The following GLI3 variants were observed in gnomAD, a reference collection of about 807,000 sequenced individuals.
GLI3 encodes the protein GLI family zinc finger 3.
A neutral mutation model predicts 100.8 loss-of-function variants in GLI3; 20 were observed. That is an observed-to-expected ratio of 0.20 (90% CI 0.14 to 0.29). GLI3 has a LOEUF of 0.29. GLI3 is among the 10% of genes least tolerant of loss of function. The pLI is 1.00. For synonymous variants in GLI3, 938 were observed against 860.5 expected, an observed-to-expected ratio of 1.09 and a Z score of -1.58; for missense variants, 2,040 against 2,128.5, an observed-to-expected ratio of 0.96 and a Z score of 0.82.
chr7:42,114,328 G>A (rs1271505922), intron 3 of GLI3, among the ~76,000 whole-genome samples: 1 of 152,170 alleles, frequency 6.6e-6, no homozygotes, highest in Non-Finnish European at 1.5e-5. Flanking sequence ...TAGAAGAAGG[G>A]AGTTTGAAAG....
intron 3 of GLI3, among the ~76,000 whole-genome samples, chr7:42,104,890 G>A (rs987752155): frequency 2.6e-5 from 4 of 152,300 alleles, no homozygotes; most frequent in African/African-American, 9.6e-5. Flanking sequence ...CAACAAATCT[G>A]CTGGCACCTT....
At chr7:41,987,626 G>A (rs1787867867) in intron 10 of GLI3, among the ~76,000 whole-genome samples, 1 of 152,174 alleles carries the variant, frequency 6.6e-6, no homozygotes, top group African/African-American at 2.4e-5. Context: ...CCTGAACTTT[G>A]TGCAGAGTTG....
chr7:42,088,990 C>T (rs1032707097), intron 3 of GLI3, among the ~76,000 whole-genome samples: 1 of 152,234 alleles, frequency 6.6e-6, no homozygotes, highest in Non-Finnish European at 1.5e-5. Context: ...TGATCTCCAT[C>T]TGAGTCCTCT....
At chr7:42,055,636 C>G (rs998192138) in intron 4 of GLI3, among the ~76,000 whole-genome samples, 1 of 152,134 alleles carries the variant, frequency 6.6e-6, no homozygotes, top group African/African-American at 2.4e-5. Context: ...GTCCCCTTAA[C>G]CCTACCCACA....
chr7:42,129,854 C>T (rs571719828), intron 3 of GLI3, among the ~76,000 whole-genome samples: 69 of 152,152 alleles, frequency 4.5e-4, no homozygotes, highest in African/African-American at 1.3e-3. Flanking sequence ...GATCTTTTAC[C>T]GGACACACCC....
At chr7:42,249,720 C>T (rs1325099898) in intron 1 of GLI3, among the ~76,000 whole-genome samples, 1 of 152,044 alleles carries the variant, frequency 6.6e-6, no homozygotes, top group South Asian at 2.1e-4. Context: ...CTCTTCCCTC[C>T]CTTTTCCTTT....
chr7:42,205,761 A>G (rs1201331634), intron 2 of GLI3, among the ~76,000 whole-genome samples: 1 of 152,214 alleles, frequency 6.6e-6, no homozygotes, highest in Non-Finnish European at 1.5e-5. Context: ...TTTCCTACGT[A>G]TTTTCTTATA....
intron 4 of GLI3, among the ~76,000 whole-genome samples, chr7:42,052,637 T>G (rs186230368): frequency 1.7e-4 from 26 of 152,230 alleles, no homozygotes; most frequent in East Asian, 1.9e-4. Flanking sequence ...GATATTCTTG[T>G]AGAACCAGCC....
In GLI3 at chr7:42,223,149, G is replaced by A; in HGVS notation, c.105C>T (p.Ala35=). 6.2e-7 allele frequency: 1 copy of A among 1,614,046 alleles called. No individual in the cohort carries two copies. The highest frequency in any genetic ancestry group is 8.5e-7 in the Non-Finnish European group (1 of 1,179,986). The change falls in exon 2 of 15, where the codon GCC becomes GCT. Residue 35 remains alanine (A), a synonymous_variant. Coordinates refer to ENST00000395925, the MANE Select transcript of GLI3 (RefSeq NM_000168.6). The part of the protein sequence containing the change: ...TRTDVSEKAV[A]SSTTSNEDES... ...GCTCACCATTAGAAGTGGTGCTGGA[G>A]GCAACGGCTTTCTCGCTCACATCTG...
chr7:41,967,885 G>A lies in GLI3; in HGVS notation c.2142C>T (p.Ser714=), dbSNP rs1787232818. The stretch of plus-strand genomic sequence containing the variant: ...AGTTGCTGATGGGGGACTGTTGGCT[G>A]CTGCATGAAGACTGACCACCAGGGC... The part of the protein sequence containing the change: ...QPSPGGQSSC[S]SQQSPISNYS... The change falls in exon 14 of 15, where the codon AGC becomes AGT. Residue 714 remains serine, a synonymous_variant. Transcript: ENST00000395925. The A allele has an allele frequency of 6.2e-7, 1 of 1,614,126 alleles. No individual in the cohort carries two copies. The highest frequency in any genetic ancestry group is 1.1e-5 in the South Asian group (1 of 91,084).
intron 2 of GLI3, among the ~76,000 whole-genome samples, chr7:42,157,357 A>C (rs752591529): frequency 2.0e-5 from 3 of 152,216 alleles, no homozygotes; most frequent in Non-Finnish European, 2.9e-5. Flanking sequence ...AATCTCAGAT[A>C]ATGGCTCAGG....
chr7:42,108,327 T>C (rs192787614), intron 3 of GLI3, among the ~76,000 whole-genome samples: 16 of 152,310 alleles, frequency 1.1e-4, no homozygotes, highest in Admixed American at 1.0e-3. Flanking sequence ...AAAAATGATA[T>C]GTTATGCCTC....
chr7:41,988,234 G>C (rs563511757), intron 10 of GLI3, among the ~76,000 whole-genome samples: 1 of 152,218 alleles, frequency 6.6e-6, no homozygotes, highest in South Asian at 2.1e-4. Flanking sequence ...GGCCAAGGCG[G>C]GTGGATCACC....
chr7:41,990,865 A>T (rs1021231867), intron 10 of GLI3, among the ~76,000 whole-genome samples: 2 of 142,750 alleles, frequency 1.4e-5, no homozygotes, highest in Admixed American at 7.1e-5. Context: ...GATTAAGGCA[A>T]GTGTGTGTGT....
chr7:42,260,423 C>A (rs1789126355), intron 1 of GLI3, among the ~76,000 whole-genome samples: 1 of 152,090 alleles, frequency 6.6e-6, no homozygotes. Context: ...ATGACCATAA[C>A]ACATATGAAA....
chr7:41,971,101 TCAAAGA>T (rs1333229789), intron 13 of GLI3, among the ~76,000 whole-genome samples: 1 of 152,210 alleles, frequency 6.6e-6, no homozygotes, highest in African/African-American at 2.4e-5. Flanking sequence ...TCTTAAGAAT[TCAAAGA>T]CAAACTCAGT....
rs147961609 is a variant in GLI3 at position 41,993,397 on chromosome 7, G to A, written c.1498-14649C>T. On this transcript the variant is annotated intron_variant, in intron 10 of 14. Coordinates refer to ENST00000395925, the MANE Select transcript of GLI3 (RefSeq NM_000168.6). ...CCTCCTTACAGAGACTCATCGCCCCGCTCGATCCTGGTCCTGATGACCCCA... is the reference window on the plus strand; with the variant it reads ...CCTCCTTACAGAGACTCATCGCCCCACTCGATCCTGGTCCTGATGACCCCA... Among the ~76,000 whole-genome samples the A allele has an allele frequency of 2.4e-3, 359 of 152,134 alleles. 1 individual carries two copies. The highest frequency in any genetic ancestry group is 4.5e-3 in the Non-Finnish European group (307 of 67,988).
chr7:42,075,991 A>G (rs1268185630), intron 4 of GLI3, among the ~76,000 whole-genome samples: 1 of 152,212 alleles, frequency 6.6e-6, no homozygotes, highest in Non-Finnish European at 1.5e-5. Context: ...ATAAAGGGTG[A>G]TTATTAGATA....
intron 3 of GLI3, among the ~76,000 whole-genome samples, chr7:42,135,234 T>TA (rs1367967236): frequency 3.9e-5 from 6 of 152,170 alleles, no homozygotes; most frequent in East Asian, 1.9e-4. Context: ...GGGGAACCAG[T>TA]AAAAAAATCT....
Sources: gnomAD v4.1 joint callset for allele counts (sites outside exome capture counted in the v4.1 genomes callset) on GRCh38, gnomAD v4.1.1 for gene constraint, MANE v1.5 for transcripts, NCBI Gene and HGNC (gene_info 2026-07-23, HGNC 2026-07-21) for gene names.